CTNNBL1: variants seen among roughly 807,000 people sequenced by gnomAD.
The protein encoded by CTNNBL1 is beta-catenin-like protein 1.
A neutral mutation model predicts 72.7 loss-of-function variants in CTNNBL1; 31 were observed. That is an observed-to-expected ratio of 0.43 (90% CI 0.32 to 0.58). CTNNBL1 has a LOEUF of 0.58. CTNNBL1 is among the 20% of genes least tolerant of loss of function. CTNNBL1 has a pLI of 0.08. For synonymous variants in CTNNBL1, 240 were observed against 267.3 expected (o/e 0.90, Z 1.00); for missense variants, 534 against 725.1 (o/e 0.74, Z 3.03).
intron 10 of CTNNBL1, among the ~76,000 whole-genome samples, chr20:37,799,015 A>G (rs376281594): frequency 6.6e-6 from 1 of 152,212 alleles, no homozygotes; most frequent in South Asian, 2.1e-4. Flanking sequence ...CTTAATACAA[A>G]AAATCCCTTC....
intron 10 of CTNNBL1, among the ~76,000 whole-genome samples, chr20:37,797,869 C>T (rs780682146): frequency 9.8e-5 from 15 of 152,314 alleles, no homozygotes; most frequent in Non-Finnish European, 5.9e-5. Flanking sequence ...CCATGCTTAA[C>T]GCCTGTCTTT....
chr20:37,853,741 C>G (rs1033666887), intron 13 of CTNNBL1, among the ~76,000 whole-genome samples: 2 of 152,242 alleles, frequency 1.3e-5, no homozygotes, highest in Non-Finnish European at 2.9e-5. Context: ...ACTGCCCACA[C>G]TTTCTCACTT....
intron 12 of CTNNBL1, among the ~76,000 whole-genome samples, chr20:37,840,841 C>A (rs565550608): frequency 5.9e-5 from 9 of 151,898 alleles, no homozygotes; most frequent in African/African-American, 2.2e-4. Context: ...AACACAGTTA[C>A]ATGAGATTAG....
intron 10 of CTNNBL1, among the ~76,000 whole-genome samples, chr20:37,797,464 T>G (rs994742522): frequency 6.6e-6 from 1 of 152,080 alleles, no homozygotes; most frequent in African/African-American, 2.4e-5. Context: ...TCTTCTGTTC[T>G]GAATACTTTC....
chr20:37,864,626 C>T lies in CTNNBL1; in HGVS notation c.1603+4282C>T, dbSNP rs184428605. On this transcript the variant is annotated intron_variant, in intron 15 of 15. Coordinates refer to ENST00000361383, the MANE Select transcript of CTNNBL1 (RefSeq NM_030877.5). ...TCCCCAGAACCAGCAGCAGCTCTGGCCTGAGGACTGTGGGCCCTCCTAGGG... is the reference window on the plus strand; with the variant it reads ...TCCCCAGAACCAGCAGCAGCTCTGGTCTGAGGACTGTGGGCCCTCCTAGGG... 4.7e-4 allele frequency among the ~76,000 whole-genome samples: 71 copies of T among 152,318 alleles called. 1 individual carries two copies. The highest frequency in any genetic ancestry group is 4.4e-3 in the Admixed American group (67 of 15,300).
intron 5 of CTNNBL1, among the ~76,000 whole-genome samples, chr20:37,762,376 C>G (rs2073425727): frequency 6.6e-6 from 1 of 152,184 alleles, no homozygotes; most frequent in South Asian, 2.1e-4. Flanking sequence ...CCTTCAAACC[C>G]TCTCATCTGT....
rs540646094 is a variant in CTNNBL1 at position 37,731,099 on chromosome 20, A to G, written c.31-1780A>G. Among the ~76,000 whole-genome samples the G allele has an allele frequency of 1.0e-3, 156 of 152,328 alleles. 2 individuals are homozygous for G. The highest frequency in any genetic ancestry group is 2.5e-3 in the African/African-American group (104 of 41,582). On this transcript the variant is annotated intron_variant, in intron 1 of 15. Coordinates refer to ENST00000361383, the MANE Select transcript of CTNNBL1 (RefSeq NM_030877.5). ...TTACATCAGGCTAATTAACAAATCT[A>G]TCACCTTTAATACTTTTTCTGTAGT... is the stretch of plus-strand genomic sequence containing the variant.
chr20:37,813,074 A>G (rs575145297), intron 11 of CTNNBL1, among the ~76,000 whole-genome samples: 4 of 152,346 alleles, frequency 2.6e-5, no homozygotes, highest in South Asian at 4.1e-4. Context: ...GCTGACCATC[A>G]GAATCATCTG....
intron 15 of CTNNBL1, among the ~76,000 whole-genome samples, chr20:37,867,460 A>G (rs1039387929): frequency 2.6e-5 from 4 of 152,174 alleles, no homozygotes; most frequent in African/African-American, 9.7e-5. Context: ...CCATGTCTGA[A>G]TAGTAAACCT....
chr20:37,868,380 G>T (rs1388198917), intron 15 of CTNNBL1, among the ~76,000 whole-genome samples: 1 of 152,038 alleles, frequency 6.6e-6, no homozygotes, highest in African/African-American at 2.4e-5. Flanking sequence ...TCAGTTCTCT[G>T]ATAGCCTCTG....
intron 1 of CTNNBL1, among the ~76,000 whole-genome samples, chr20:37,707,986 A>G (rs959862049): frequency 4.6e-5 from 7 of 152,192 alleles, no homozygotes; most frequent in Non-Finnish European, 1.0e-4. Flanking sequence ...GAACACACAC[A>G]TTTATTCATT....
chr20:37,706,909 G>T (rs2072890315), intron 1 of CTNNBL1, among the ~76,000 whole-genome samples: 2 of 152,220 alleles, frequency 1.3e-5, no homozygotes, highest in Admixed American at 6.5e-5. Flanking sequence ...GATGCTGTGT[G>T]TGCAGGCATA....
intron 11 of CTNNBL1, among the ~76,000 whole-genome samples, chr20:37,810,947 T>A (rs1015200079): frequency 6.6e-6 from 1 of 152,212 alleles, no homozygotes; most frequent in Non-Finnish European, 1.5e-5. Context: ...ATCTATCTCA[T>A]AAGGGTAACA....
chr20:37,752,093 T>C (rs1253049578), intron 4 of CTNNBL1, among the ~76,000 whole-genome samples: 1 of 152,222 alleles, frequency 6.6e-6, no homozygotes, highest in Non-Finnish European at 1.5e-5. Context: ...CAAAACCTGG[T>C]ACCACATTAA....
At chr20:37,828,953 GC>G (rs147909872) in intron 11 of CTNNBL1, among the ~76,000 whole-genome samples, 1,602 of 152,264 alleles carry the variant, frequency 0.011, 22 homozygotes, top group African/African-American at 0.037. Context: ...ATTTGACAGG[GC>G]CTCCTGCTAC....
At chr20:37,809,583 A>T (rs182836398) in intron 11 of CTNNBL1, among the ~76,000 whole-genome samples, 19 of 152,246 alleles carry the variant, frequency 1.2e-4, no homozygotes, top group Middle Eastern at 3.4e-3. Flanking sequence ...CACGTGTCAC[A>T]CTCATTTCAC....
chr20:37,712,424 C>T (rs2072946193), intron 1 of CTNNBL1, among the ~76,000 whole-genome samples: 1 of 152,212 alleles, frequency 6.6e-6, no homozygotes, highest in African/African-American at 2.4e-5. Flanking sequence ...ATCACTGCCA[C>T]TTTGCCCAGA....
chr20:37,842,562 C>T (rs2072313788), intron 13 of CTNNBL1, 143 bp downstream of exon 13: 3 of 660,756 alleles, frequency 4.5e-6, no homozygotes, highest in South Asian at 1.8e-5. Context: ...GATGGTCTGC[C>T]AAGTGGTTAC....
chr20:37,771,822 C>T (rs982129745), intron 7 of CTNNBL1, among the ~76,000 whole-genome samples: 3 of 152,162 alleles, frequency 2.0e-5, no homozygotes, highest in East Asian at 1.9e-4. Context: ...TGAGACCTAT[C>T]GATATTAAGT....
Sources: allele counts gnomAD v4.1 joint callset (sites outside exome capture counted in the v4.1 genomes callset), GRCh38; gene constraint gnomAD v4.1.1; transcripts MANE v1.5; gene names NCBI Gene and HGNC (gene_info 2026-07-23, HGNC 2026-07-21).